Variants in SLC9A9 observed in about 807,000 individuals in gnomAD.
SLC9A9 encodes solute carrier family 9 member A9, also known as sodium/hydrogen exchanger 9.
A neutral mutation model predicts 77.8 loss-of-function variants in SLC9A9; 62 were observed. That is an observed-to-expected ratio of 0.80 (90% CI 0.65 to 0.98). The LOEUF (loss-of-function observed/expected upper bound fraction) is 0.98. SLC9A9 is among the 50% of genes least tolerant of loss of function. The pLI is 0.00. For synonymous variants in SLC9A9, 320 were observed against 283.5 expected, an observed-to-expected ratio of 1.13 and a Z score of -1.29; for missense variants, 775 against 774.9, an observed-to-expected ratio of 1.00 and a Z score of 0.00.
At chr3:143,416,814 T>C (rs1399460008) in intron 12 of SLC9A9, among the ~76,000 whole-genome samples, 1 of 152,182 alleles carries the variant, frequency 6.6e-6, no homozygotes, top group Non-Finnish European at 1.5e-5. Context: ...TCTGTATATA[T>C]GTGTATGTGT....
intron 14 of SLC9A9, among the ~76,000 whole-genome samples, chr3:143,324,226 T>TG (rs11368737): frequency 0.091 from 13,842 of 152,096 alleles, 1,393 homozygotes; most frequent in African/African-American, 0.25. Context: ...GGGAGCAAGG[T>TG]GGGGTCATTG....
intron 4 of SLC9A9, among the ~76,000 whole-genome samples, chr3:143,740,586 T>C (rs1935052090): frequency 6.6e-6 from 1 of 152,208 alleles, no homozygotes; most frequent in African/African-American, 2.4e-5. Context: ...ACATCTTCCA[T>C]ACAATTAGTG....
At chr3:143,796,980 T>G in intron 2 of SLC9A9, 77 bp from the exon 3 acceptor site, 1 of 1,174,486 alleles carries the variant, frequency 8.5e-7, no homozygotes, top group Non-Finnish European at 1.3e-6. Context: ...AAAAAACAGT[T>G]GTAATTGCTT....
intron 5 of SLC9A9, among the ~76,000 whole-genome samples, chr3:143,665,967 C>G (rs2039058616): frequency 6.6e-6 from 1 of 152,214 alleles, no homozygotes; most frequent in Non-Finnish European, 1.5e-5. Context: ...CGGAATCCTT[C>G]CTAACTCATT....
intron 9 of SLC9A9, among the ~76,000 whole-genome samples, chr3:143,549,300 C>T (rs781450777): frequency 3.3e-5 from 5 of 152,124 alleles, no homozygotes; most frequent in Non-Finnish European, 5.9e-5. Flanking sequence ...ACCTTAGACT[C>T]TGTTTACTAC....
intron 9 of SLC9A9, among the ~76,000 whole-genome samples, chr3:143,513,764 C>G (rs1339614592): frequency 6.6e-6 from 1 of 152,212 alleles, no homozygotes; most frequent in Non-Finnish European, 1.5e-5. Flanking sequence ...ACAACATTCA[C>G]CTCTTTGCAC....
chr3:143,385,387 C>G (rs777854037), intron 12 of SLC9A9, among the ~76,000 whole-genome samples: 4 of 152,188 alleles, frequency 2.6e-5, no homozygotes, highest in Non-Finnish European at 5.9e-5. Flanking sequence ...AGACCAACTC[C>G]CATTGCCTTG....
Position 143,570,289 on chromosome 3 carries a change from A to C in SLC9A9, c.1000+3799T>G, listed in dbSNP as rs546797127. 1.1e-3 allele frequency among the ~76,000 whole-genome samples: 163 copies of C among 152,278 alleles called. 1 individual carries two copies. The highest frequency in any genetic ancestry group is 3.8e-3 in the African/African-American group (159 of 41,552). ...GCTTCTCCTTCATAAAAATATAATA[A>C]ATGTAAACCGGAAGAAAATGGAACT... On this transcript the variant is annotated intron_variant, in intron 8 of 15. Transcript: ENST00000316549.
chr3:143,371,425 C>A (rs2033056613), intron 13 of SLC9A9, among the ~76,000 whole-genome samples: 1 of 152,106 alleles, frequency 6.6e-6, no homozygotes, highest in Admixed American at 6.5e-5. Context: ...GAATAAAATT[C>A]AGCAAACTTT....
intron 12 of SLC9A9, among the ~76,000 whole-genome samples, chr3:143,442,708 G>C (rs2034767597): frequency 6.6e-6 from 1 of 152,216 alleles, no homozygotes; most frequent in Non-Finnish European, 1.5e-5. Context: ...CTGGGTGACA[G>C]AGTGAAACTC....
At chr3:143,436,753 CA>C (rs1379274938) in intron 12 of SLC9A9, among the ~76,000 whole-genome samples, 1 of 152,218 alleles carries the variant, frequency 6.6e-6, no homozygotes, top group Non-Finnish European at 1.5e-5. Flanking sequence ...AATGGACCAG[CA>C]AGAGAGAAGG....
chr3:143,314,528 C>A (rs372549120), intron 14 of SLC9A9: 1 of 152,204 alleles, frequency 6.6e-6, no homozygotes, highest in Non-Finnish European at 1.5e-5. Flanking sequence ...TAGCAAGTAT[C>A]GCTACAAATG....
chr3:143,602,634 G>T (rs1316884064), intron 6 of SLC9A9, among the ~76,000 whole-genome samples: 1 of 151,946 alleles, frequency 6.6e-6, no homozygotes, highest in African/African-American at 2.4e-5. Context: ...CACAAATGGG[G>T]CAATTCTATA....
In SLC9A9 at chr3:143,662,246, G is replaced by A. The variant is rs532808477; in HGVS notation, c.650-9886C>T. Among the ~76,000 whole-genome samples the A allele has an allele frequency of 2.6e-5, 4 of 152,326 alleles. No individual in the cohort carries two copies. The South Asian group carries it at 6.2e-4, about 24-fold the overall frequency. ...TCATTTCTGAAATTTTAGCCCTACA[G>A]TAATCCCTTCTGGACTGAAAAATAA... On this transcript the variant is annotated intron_variant, in intron 5 of 15. Transcript: ENST00000316549.
chr3:143,602,674 T>A (rs547731428), intron 6 of SLC9A9, among the ~76,000 whole-genome samples: 13 of 152,346 alleles, frequency 8.5e-5, no homozygotes, highest in African/African-American at 3.1e-4. Context: ...AACTCTGTTT[T>A]TCCTGGTTGA....
chr3:143,533,213 G>C lies in SLC9A9; in HGVS notation c.1089+19149C>G, dbSNP rs553974509. ...ACCAGACCAAGTCCCTGCTCTCGTG[G>C]GGCTGACATGCCCTGGCTCACAGCG... On this transcript the variant is annotated intron_variant, in intron 9 of 15. Transcript: ENST00000316549. Among the ~76,000 whole-genome samples the C allele has an allele frequency of 2.6e-5, 4 of 152,324 alleles. No individual in the cohort carries two copies. The South Asian group carries it at 6.2e-4, about 24-fold the overall frequency.
chr3:143,813,105 G>A (rs1416294131), intron 2 of SLC9A9, among the ~76,000 whole-genome samples: 2 of 152,194 alleles, frequency 1.3e-5, no homozygotes, highest in Middle Eastern at 3.4e-3. Context: ...TGACCTTCTC[G>A]GTGCTGGTTT....
chr3:143,388,402 G>A (rs1364973341), intron 12 of SLC9A9, among the ~76,000 whole-genome samples: 8 of 152,120 alleles, frequency 5.3e-5, no homozygotes, highest in South Asian at 4.1e-4. Context: ...TCCTGGAATC[G>A]GGTTGCATGG....
chr3:143,606,895 A>T (rs1490715882), intron 6 of SLC9A9, among the ~76,000 whole-genome samples: 2 of 151,960 alleles, frequency 1.3e-5, no homozygotes, highest in African/African-American at 2.4e-5. Context: ...ATTCTAAGAA[A>T]TTTTTTTTGT....
Sources: gnomAD v4.1 joint callset for allele counts (sites outside exome capture counted in the v4.1 genomes callset) on GRCh38, gnomAD v4.1.1 for gene constraint, MANE v1.5 for transcripts, NCBI Gene and HGNC (gene_info 2026-07-23, HGNC 2026-07-21) for gene names.